ERC1: variants seen among roughly 807,000 people sequenced by gnomAD.
ERC1 encodes ELKS/RAB6-interacting/CAST family member 1, also known as RAB6 interacting protein 2.
A neutral mutation model predicts 132.0 loss-of-function variants in ERC1; 56 were observed. The observed-to-expected ratio is 0.42, with a 90% CI of 0.34 to 0.53. The LOEUF (loss-of-function observed/expected upper bound fraction) is 0.53. ERC1 is among the 20% of genes least tolerant of loss of function. The pLI, the probability that ERC1 is intolerant of heterozygous loss-of-function variation, is 0.03. For synonymous variants in ERC1, 478 were observed against 476.1 expected, an observed-to-expected ratio of 1.00 and a Z score of -0.05; for missense variants, 1,202 against 1,349.9, an observed-to-expected ratio of 0.89 and a Z score of 1.72.
intron 8 of ERC1, among the ~76,000 whole-genome samples, chr12:1,158,394 C>T (rs1336324109): frequency 6.6e-6 from 1 of 151,678 alleles, no homozygotes; most frequent in Non-Finnish European, 1.5e-5. Context: ...CATAACTAGT[C>T]GTTAAAAACA....
intron 14 of ERC1, among the ~76,000 whole-genome samples, chr12:1,270,864 A>C (rs1026783823): frequency 1.3e-5 from 2 of 152,024 alleles, no homozygotes; most frequent in East Asian, 3.8e-4. Flanking sequence ...ATTAGTATAA[A>C]ATTCTAAGGA....
intron 13 of ERC1, among the ~76,000 whole-genome samples, chr12:1,243,245 ATGC>A (rs1484576850): frequency 3.9e-5 from 6 of 152,118 alleles, no homozygotes; most frequent in Admixed American, 3.3e-4. Context: ...TTTAAAATAT[ATGC>A]GAAGATGTGC....
chr12:1,368,615 C>T (rs1042529290), intron 15 of ERC1, among the ~76,000 whole-genome samples: 2 of 152,142 alleles, frequency 1.3e-5, no homozygotes, highest in African/African-American at 2.4e-5. Context: ...CAGCAATTTT[C>T]GTATTCCCTA....
At chr12:1,107,965 G>A (rs1945442270) in intron 4 of ERC1, among the ~76,000 whole-genome samples, 1 of 152,084 alleles carries the variant, frequency 6.6e-6, no homozygotes, top group South Asian at 2.1e-4. Flanking sequence ...CTGGGGCTGG[G>A]GAAGTACAGA....
chr12:1,437,247 T>C (rs1465003083), intron 17 of ERC1, among the ~76,000 whole-genome samples: 1 of 152,186 alleles, frequency 6.6e-6, no homozygotes, highest in Non-Finnish European at 1.5e-5. Flanking sequence ...GGGCGCATAC[T>C]GTATGTACCC....
chr12:1,014,198 C>G (rs1036534632), intron 1 of ERC1, among the ~76,000 whole-genome samples: 11 of 151,518 alleles, frequency 7.3e-5, no homozygotes, highest in Non-Finnish European at 1.5e-4. Flanking sequence ...GTTTTTGAGA[C>G]AGGGTTTCAC....
intron 17 of ERC1, among the ~76,000 whole-genome samples, chr12:1,420,234 G>A (rs2092367340): frequency 6.6e-6 from 1 of 151,952 alleles, no homozygotes; most frequent in Non-Finnish European, 1.5e-5. Flanking sequence ...GAATATTTAG[G>A]CAACTTAACA....
chr12:1,046,160 C>T (rs1971049918), intron 2 of ERC1, among the ~76,000 whole-genome samples: 1 of 152,080 alleles, frequency 6.6e-6, no homozygotes, highest in African/African-American at 2.4e-5. Flanking sequence ...CATAGTATTA[C>T]TGTTGTTTTA....
chr12:1,398,773 C>T (rs146990642), intron 16 of ERC1, among the ~76,000 whole-genome samples: 63 of 152,122 alleles, frequency 4.1e-4, no homozygotes, highest in Non-Finnish European at 8.2e-4. Flanking sequence ...TGGTAAGGGC[C>T]GCTTTTGACT....
chr12:1,013,937 T>C (rs1227719157), intron 1 of ERC1, among the ~76,000 whole-genome samples: 2 of 152,090 alleles, frequency 1.3e-5, no homozygotes, highest in Non-Finnish European at 2.9e-5. Context: ...GGTCTTGCCG[T>C]GTTGCCCAGG....
chr12:1,360,587 G>A (rs1010215252), intron 15 of ERC1, among the ~76,000 whole-genome samples: 26 of 152,160 alleles, frequency 1.7e-4, no homozygotes, highest in Non-Finnish European at 3.1e-4. Context: ...TTAATAAAAA[G>A]GGTATTTGTC....
intron 12 of ERC1, among the ~76,000 whole-genome samples, chr12:1,221,330 A>G (rs777689310): frequency 1.1e-4 from 16 of 152,354 alleles, no homozygotes; most frequent in Non-Finnish European, 1.8e-4. Flanking sequence ...TCTCAGATCT[A>G]TGGAGTTGTA....
intron 5 of ERC1, 101 bp from the exon 6 acceptor site, chr12:1,112,114 A>G (rs1945945710): frequency 4.0e-6 from 3 of 747,794 alleles, no homozygotes; most frequent in Non-Finnish European, 4.6e-6. Context: ...ATTGTATTAT[A>G]TAAGTTATTG....
intron 15 of ERC1, among the ~76,000 whole-genome samples, chr12:1,341,069 CTTTTTT>C (rs35902573): frequency 1.7e-4 from 11 of 63,154 alleles, no homozygotes; most frequent in African/African-American, 5.7e-4. Context: ...TTTTCTTTTT[CTTTTTT>C]TTTTTTTTTT....
intron 17 of ERC1, among the ~76,000 whole-genome samples, chr12:1,433,587 G>T (rs1043659935): frequency 6.6e-6 from 1 of 152,212 alleles, no homozygotes; most frequent in African/African-American, 2.4e-5. Flanking sequence ...GGGAAATGAT[G>T]TGTGGATGGT....
intron 7 of ERC1, among the ~76,000 whole-genome samples, chr12:1,140,456 A>G (rs1190803037): frequency 1.3e-5 from 2 of 152,180 alleles, no homozygotes; most frequent in Non-Finnish European, 2.9e-5. Context: ...AAAATCCAAA[A>G]TGTTCCATTG....
rs572903247 is a variant in ERC1 at position 1,218,099 on chromosome 12, G to A, written c.2352-18670G>A. 5.3e-5 allele frequency among the ~76,000 whole-genome samples: 8 copies of A among 152,166 alleles called. 1 individual carries two copies. The highest frequency in any genetic ancestry group is 7.4e-5 in the Non-Finnish European group (5 of 67,992). On this transcript the variant is annotated intron_variant, in intron 12 of 18. Coordinates refer to ENST00000360905, the MANE Select transcript of ERC1 (RefSeq NM_178040.4). ...CTCTTATCAAATCTGCAAATCCTTC[G>A]CCTCCACTCAAAGTTTCTGGCTTCA... is the stretch of plus-strand genomic sequence containing the variant.
chr12:1,309,113 A>C (rs2081099047), intron 15 of ERC1, among the ~76,000 whole-genome samples: 1 of 152,246 alleles, frequency 6.6e-6, no homozygotes, highest in Non-Finnish European at 1.5e-5. Flanking sequence ...AACTGTGAGA[A>C]GTAATTTTTT....
At chr12:1,265,201 T>G (rs1566429611) in intron 14 of ERC1, among the ~76,000 whole-genome samples, 1 of 152,212 alleles carries the variant, frequency 6.6e-6, no homozygotes, top group Non-Finnish European at 1.5e-5. Flanking sequence ...GATTTTACCC[T>G]TTTTATATTC....
Sources: allele counts gnomAD v4.1 joint callset (sites outside exome capture counted in the v4.1 genomes callset), GRCh38; gene constraint gnomAD v4.1.1; transcripts MANE v1.5; gene names NCBI Gene and HGNC (gene_info 2026-07-23, HGNC 2026-07-21).